Variants in RAB4A observed in about 807,000 individuals in gnomAD.
The protein encoded by RAB4A is ras-related protein Rab-4A.
Under a neutral mutation model 34.5 loss-of-function variants are expected in RAB4A, and 20 were observed. The ratio of observed to expected loss-of-function variants is 0.58; its 90% confidence interval spans 0.41 to 0.84. The LOEUF is 0.84. Ranked by LOEUF, RAB4A falls within the 40% of genes least tolerant of loss-of-function variation. RAB4A has a pLI of 0.00. For synonymous variants in RAB4A, 102 were observed against 100.0 expected, an observed-to-expected ratio of 1.02 and a Z score of -0.12; for missense variants, 228 against 274.5, an observed-to-expected ratio of 0.83 and a Z score of 1.20.
chr1:229,278,659 C>G (rs565160644), intron 1 of RAB4A, among the ~76,000 whole-genome samples: 1 of 152,288 alleles, frequency 6.6e-6, no homozygotes, highest in East Asian at 1.9e-4. Context: ...ATGTCTGTTC[C>G]CCTCCTTTTC....
intron 1 of RAB4A, among the ~76,000 whole-genome samples, chr1:229,282,527 C>G (rs1299780534): frequency 2.0e-5 from 3 of 152,092 alleles, no homozygotes; most frequent in Non-Finnish European, 1.5e-5. Context: ...TTTTTTCAAC[C>G]ACTTTCTCTT....
chr1:229,283,823 T>G (rs375829503), intron 1 of RAB4A, among the ~76,000 whole-genome samples: 39 of 151,476 alleles, frequency 2.6e-4, no homozygotes, highest in African/African-American at 9.2e-4. Context: ...GCCTCCCAGG[T>G]TCAAGCAATT....
At chr1:229,292,741 C>T (rs1045347129) in intron 3 of RAB4A, among the ~76,000 whole-genome samples, 9 of 152,164 alleles carry the variant, frequency 5.9e-5, no homozygotes, top group African/African-American at 9.7e-5. Flanking sequence ...GCAAGCTGCA[C>T]GGGTTTCTTT....
chr1:229,295,578 A>G (rs1018392226), intron 3 of RAB4A, among the ~76,000 whole-genome samples: 2 of 152,178 alleles, frequency 1.3e-5, no homozygotes, highest in Admixed American at 1.3e-4. Flanking sequence ...TTCCGCAGAC[A>G]GCTCACCCTG....
chr1:229,278,346 G>C (rs983804238), intron 1 of RAB4A, among the ~76,000 whole-genome samples: 4 of 152,198 alleles, frequency 2.6e-5, no homozygotes, highest in African/African-American at 9.7e-5. Context: ...GATCATTGCA[G>C]ATGTATGGTC....
intron 1 of RAB4A, among the ~76,000 whole-genome samples, chr1:229,271,960 T>A (rs1656496464): frequency 6.6e-6 from 1 of 152,198 alleles, no homozygotes; most frequent in African/African-American, 2.4e-5. Flanking sequence ...TTTGGCTATT[T>A]ATAAACATGT....
At chr1:229,302,289 ATATATATATATATATATATAT>A (rs1449302206) in intron 6 of RAB4A, among the ~76,000 whole-genome samples, 10 of 21,884 alleles carry the variant, frequency 4.6e-4, no homozygotes, top group South Asian at 1.1e-3. Context: ...ATATATATAT[ATATATATATATATATATATAT>A]TTTTTTTTTT....
intron 2 of RAB4A, 72 bp downstream of exon 2, chr1:229,286,638 G>A: frequency 1.0e-6 from 1 of 964,120 alleles, no homozygotes; most frequent in South Asian, 1.7e-5. Flanking sequence ...TTTGTTTACA[G>A]TAAACTTAAT....
In RAB4A at chr1:229,276,986, A is replaced by G. The variant is rs1656667013; in HGVS notation, c.31+5616A>G. ...TCCACTTTAGAAGAACTATATATCT[A>G]TATATAATATAGATATATATAATAT... is the stretch of plus-strand genomic sequence containing the variant. On this transcript the variant is annotated intron_variant, in intron 1 of 7. Transcript: ENST00000366690. 2.0e-5 allele frequency among the ~76,000 whole-genome samples: 3 copies of G among 146,572 alleles called. No individual in the cohort carries two copies. In the East Asian group the frequency reaches 5.8e-4, roughly 29 times the overall value.
intron 6 of RAB4A, among the ~76,000 whole-genome samples, chr1:229,302,300 TA>T (rs56110443): frequency 2.4e-4 from 9 of 37,066 alleles, no homozygotes; most frequent in Non-Finnish European, 3.5e-4. Flanking sequence ...TATATATATA[TA>T]TATATATATT....
Position 229,304,424 on chromosome 1 carries a change from G to C in RAB4A, c.*631G>C, listed in dbSNP as rs1018126337. The C allele has an allele frequency of 4.3e-4, 66 of 152,124 alleles. No individual in the cohort carries two copies. Among genetic ancestry groups the C allele is most frequent in the African/African-American group, 1.5e-3 (64 of 41,494 alleles). 9.4% of individuals were successfully genotyped at this position (152,124 alleles called of 1,614,324 possible). ...TTTTCCGTGAACTTTATACTGTCCA[G>C]CTCTGTTGATTTTAAAGCCTCTTCA... On this transcript the variant is annotated 3_prime_UTR_variant, in exon 8 of 8. Coordinates refer to ENST00000366690, the MANE Select transcript of RAB4A (RefSeq NM_004578.4).
chr1:229,276,637 C>T (rs1161441578), intron 1 of RAB4A, among the ~76,000 whole-genome samples: 20 of 151,424 alleles, frequency 1.3e-4, no homozygotes. Flanking sequence ...AGTTAGAGTC[C>T]ATTTTTAATT....
intron 4 of RAB4A, 137 bp from the exon 5 acceptor site, chr1:229,297,345 G>A (rs779338989): frequency 3.0e-5 from 24 of 795,964 alleles, no homozygotes; most frequent in African/African-American, 2.8e-4. Context: ...GTGCATTCAC[G>A]TTGTCTGAGT....
chr1:229,304,542 A>G lies in RAB4A; in HGVS notation c.*749A>G, dbSNP rs1322737980. 1 of 152,218 alleles carries G rather than the reference A, an allele frequency of 6.6e-6. No homozygotes were observed. The highest frequency in any genetic ancestry group is 2.4e-5 in the African/African-American group (1 of 41,454). 9.4% of individuals were successfully genotyped at this position (152,218 alleles called of 1,614,324 possible). A position where few individuals can be genotyped will look rare whatever the true frequency, so the allele number is the denominator to read the frequency against. On this transcript the variant is annotated 3_prime_UTR_variant, in exon 8 of 8. Transcript: ENST00000366690. ...GATTCTGGTACCTTTACCCAAACCT[A>G]CTGGGCTACTAATACTTCTCTCAGC... is the stretch of plus-strand genomic sequence containing the variant.
intron 1 of RAB4A, among the ~76,000 whole-genome samples, chr1:229,286,202 A>C (rs766705686): frequency 1.8e-4 from 28 of 152,252 alleles, no homozygotes; most frequent in Admixed American, 3.3e-4. Flanking sequence ...GTGGCTAGCA[A>C]AGGGACAAGT....
intron 1 of RAB4A, among the ~76,000 whole-genome samples, chr1:229,281,938 T>A (rs1174840446): frequency 6.6e-6 from 1 of 151,694 alleles, no homozygotes; most frequent in Non-Finnish European, 1.5e-5. Context: ...TAGATAATAC[T>A]ATTTTTCTTA....
intron 1 of RAB4A, among the ~76,000 whole-genome samples, chr1:229,276,128 T>C (rs1203896253): frequency 1.3e-5 from 2 of 151,430 alleles, no homozygotes; most frequent in African/African-American, 2.5e-5. Flanking sequence ...GTCATTTTCT[T>C]TTTCTCATTC....
chr1:229,274,820 C>T (rs1208384419), intron 1 of RAB4A, among the ~76,000 whole-genome samples: 1 of 152,206 alleles, frequency 6.6e-6, no homozygotes, highest in Non-Finnish European at 1.5e-5. Context: ...GAGGAAAAAT[C>T]TAATACAAAA....
chr1:229,291,958 A>G (rs1436121171), intron 3 of RAB4A, among the ~76,000 whole-genome samples: 2 of 151,638 alleles, frequency 1.3e-5, no homozygotes, highest in Non-Finnish European at 1.5e-5. Flanking sequence ...TCAGTAAACT[A>G]TCGCAAGAAC....
Sources: gnomAD v4.1 joint callset for allele counts (sites outside exome capture counted in the v4.1 genomes callset) on GRCh38, gnomAD v4.1.1 for gene constraint, MANE v1.5 for transcripts, NCBI Gene and HGNC (gene_info 2026-07-23, HGNC 2026-07-21) for gene names.